The following RIF1 variants were observed in gnomAD, a reference collection of about 807,000 sequenced individuals.
RIF1 encodes replication timing regulatory factor 1.
A neutral mutation model predicts 247.1 loss-of-function variants in RIF1; 45 were observed. That is an observed-to-expected ratio of 0.18 (90% confidence interval 0.14 to 0.23). The LOEUF (loss-of-function observed/expected upper bound fraction) is 0.23, where lower values mean the gene tolerates loss of function less well. Among genes scored for constraint, RIF1 ranks in the 10% least tolerant of loss-of-function variants. The pLI is 1.00. For synonymous variants in RIF1, 1,087 were observed against 978.8 expected, an observed-to-expected ratio of 1.11 and a Z score of -2.06; for missense variants, 2,967 against 2,862.5, an observed-to-expected ratio of 1.04 and a Z score of -0.83.
intron 34 of RIF1, among the ~76,000 whole-genome samples, chr2:151,472,856 G>T (rs916118298): frequency 1.3e-5 from 2 of 152,118 alleles, no homozygotes; most frequent in Non-Finnish European, 2.9e-5. Context: ...TCTCTGCCAG[G>T]CTTTGGTATC....
downstream of RIF1, chr2:151,485,617 G>T: frequency 1.4e-6 from 1 of 706,616 alleles, no homozygotes; most frequent in Non-Finnish European, 2.2e-6. Flanking sequence ...ACCCAAAGGA[G>T]AAAGGATGGT....
the RIF1 span, chr2:151,529,266 C>G: frequency 6.2e-7 from 1 of 1,613,640 alleles, no homozygotes; most frequent in Admixed American, 1.7e-5. Context: ...GCATCTGGCT[C>G]AATGGTGCAG....
At chr2:151,506,787 T>G (rs1308125041) in intron 13 of RIF1, 1 of 680,508 alleles carries the variant, frequency 1.5e-6, no homozygotes, top group Admixed American at 2.9e-5. Context: ...AGCAAATCAC[T>G]GCTAGTATTA....
At chr2:151,523,761 C>T in the RIF1 span, among the ~76,000 whole-genome samples, 1 of 152,190 alleles carries the variant, frequency 6.6e-6, no homozygotes, top group Non-Finnish European at 1.5e-5. Flanking sequence ...TCCATCAGCA[C>T]CCTGTGCATA....
At position 151,463,608 on chromosome 2, in the gene RIF1, A is replaced by G. The variant is rs1696507481; in HGVS notation, c.4088A>G (p.Glu1363Gly). 1 of 1,613,704 alleles carries G rather than the reference A, an allele frequency of 6.2e-7. No individual in the cohort carries two copies. The highest frequency in any genetic ancestry group is 1.1e-5 in the South Asian group (1 of 91,062). ...DNTKLKAATV[E>G]NAVLLETNTV... ...ACAAAGCTTAAAGCAGCAACAGTGG[A>G]AAATGCTGTATTATTGGAAACTAAT... Residue 1363 changes from glutamate to glycine, a missense_variant, in exon 30 of 36, where the codon GAA (glutamate) becomes GGA (glycine). Transcript: ENST00000444746.
the RIF1 span, chr2:151,532,092 A>C: frequency 2.1e-6 from 1 of 475,526 alleles, no homozygotes; most frequent in South Asian, 3.4e-5. Flanking sequence ...ACTACTAATA[A>C]TTTCCTTTTT....
chr2:151,436,475 A>G (rs780539928), intron 11 of RIF1, among the ~76,000 whole-genome samples: 31 of 148,874 alleles, frequency 2.1e-4, no homozygotes, highest in Admixed American at 6.8e-4. Context: ...CAGGAGTTTG[A>G]GGTTGTAGTG....
the RIF1 span, chr2:151,531,104 G>T: frequency 6.3e-7 from 1 of 1,585,948 alleles, no homozygotes; most frequent in Non-Finnish European, 8.6e-7. Flanking sequence ...TAAAGGATCT[G>T]AAAGATCAAA....
chr2:151,415,563 C>CAAA (rs3040729), intron 4 of RIF1, among the ~76,000 whole-genome samples: 812 of 44,440 alleles, frequency 0.018, 69 homozygotes, highest in African/African-American at 0.024. Context: ...GACTCTGTCT[C>CAAA]AAAAAAAAAA....
chr2:151,531,744 C>T, the RIF1 span: 2 of 1,387,004 alleles, frequency 1.4e-6, no homozygotes, highest in Middle Eastern at 1.8e-4. Flanking sequence ...TCCATGTTTG[C>T]AGATGCCCCC....
In RIF1 at chr2:151,411,298, A is replaced by G. The variant is rs1686161977; in HGVS notation, c.143A>G (p.Glu48Gly). 1 of 1,605,024 alleles carries G rather than the reference A, an allele frequency of 6.2e-7. No homozygotes were observed. The highest frequency in any genetic ancestry group is 1.1e-5 in the South Asian group (1 of 89,726). Residue 48 changes from glutamate to glycine, a missense_variant, in exon 3 of 36, where the codon GAA (glutamate) becomes GGA (glycine). By Grantham distance (98) the Glu-to-Gly change is moderately conservative. Coordinates refer to ENST00000444746, the MANE Select transcript of RIF1 (RefSeq NM_018151.5). ...TGEEGKEVIT[E>G]IEKKLPRLYK... Reference sequence around the variant, plus strand: ...GAAGAAGGAAAAGAAGTAATTACAGAAATTGAGAAAAAACTTCCTCGGCTG... The same window carrying G: ...GAAGAAGGAAAAGAAGTAATTACAGGAATTGAGAAAAAACTTCCTCGGCTG...
chr2:151,499,264 T>A (rs919058114), intron 10 of RIF1: 48 of 1,108,802 alleles, frequency 4.3e-5, no homozygotes, highest in Non-Finnish European at 5.9e-5. Context: ...AACATTTTTT[T>A]AAATAATTAA....
chr2:151,494,102 G>A, intron 9 of RIF1: 1 of 1,400,528 alleles, frequency 7.1e-7, no homozygotes, highest in Non-Finnish European at 9.9e-7. Flanking sequence ...TTAGGAGCAG[G>A]CCAAACTGCA....
rs748498037 is a variant in RIF1, at chr2:151,414,829, A to G, written c.190A>G (p.Ile64Val). 6.8e-6 allele frequency: 11 copies of G among 1,607,462 alleles called. No homozygotes were observed. The highest frequency in any genetic ancestry group is 1.3e-5 in the African/African-American group (1 of 74,696). The change falls in exon 4 of 36, where the codon ATT becomes GTT. Residue 64 changes from isoleucine to valine, a missense_variant. Around this residue, in one of 7 missense-constraint regions of RIF1, gnomAD observed 269 missense variants for 288.6 expected, o/e 0.93. Coordinates refer to ENST00000444746, the MANE Select transcript of RIF1 (RefSeq NM_018151.5). ...TGTGATTTTGTTTTTGTAGACTCACATTTCCAGTCAAAACTCGGAGCTGAG... is the reference window on the plus strand; with the variant it reads ...TGTGATTTTGTTTTTGTAGACTCACGTTTCCAGTCAAAACTCGGAGCTGAG... ...PRLYKVLKTH[I>V]SSQNSELSSA...
intron 34 of RIF1, among the ~76,000 whole-genome samples, chr2:151,472,971 G>A (rs1050302869): frequency 6.6e-6 from 1 of 152,092 alleles, no homozygotes; most frequent in African/African-American, 2.4e-5. Flanking sequence ...TGTACCTCTG[G>A]TAGAATTCGG....
At chr2:151,415,209 C>T (rs891961085) in intron 4 of RIF1, among the ~76,000 whole-genome samples, 3 of 151,568 alleles carry the variant, frequency 2.0e-5, no homozygotes, top group African/African-American at 7.3e-5. Context: ...TAGCCGGGCA[C>T]CGTGGCGGGC....
chr2:151,467,945 G>A, intron 30 of RIF1, 55 bp from the exon 31 acceptor site: 2 of 1,524,034 alleles, frequency 1.3e-6, no homozygotes. Flanking sequence ...AATTTATGGT[G>A]TAATTTTTTA....
intron 8 of RIF1, among the ~76,000 whole-genome samples, chr2:151,426,241 C>T (rs1356507216): frequency 1.7e-5 from 2 of 121,046 alleles, no homozygotes; most frequent in Non-Finnish European, 3.2e-5. Flanking sequence ...GTGGCGTGAT[C>T]TCAGCTCACT....
chr2:151,506,035 T>C, intron 12 of RIF1: 1 of 798,628 alleles, frequency 1.3e-6, no homozygotes, highest in Non-Finnish European at 2.2e-6. Flanking sequence ...TGTGTGGTGG[T>C]GGTACACAGG....
Sources: gnomAD v4.1 joint callset for allele counts (sites outside exome capture counted in the v4.1 genomes callset) on GRCh38, gnomAD v4.1.1 for gene constraint, gnomAD v4.1.1 regional missense constraint, MANE v1.5 for transcripts, NCBI Gene and HGNC (gene_info 2026-07-23, HGNC 2026-07-21) for gene names.